ROR1: variants seen among roughly 807,000 people sequenced by gnomAD.
ROR1 encodes ROR family WNT receptor 1.
ROR1 carries 19 observed loss-of-function variants against 78.8 expected under a neutral mutation model. That is an observed-to-expected ratio of 0.24 (90% CI 0.17 to 0.35). The LOEUF (loss-of-function observed/expected upper bound fraction) is 0.35, where lower values mean the gene tolerates loss of function less well. Ranked by LOEUF, ROR1 falls within the 10% of genes least tolerant of loss-of-function variation. The pLI is 1.00. For synonymous variants in ROR1, 386 were observed against 433.6 expected, an observed-to-expected ratio of 0.89 and a Z score of 1.36; for missense variants, 917 against 1,177.8, an observed-to-expected ratio of 0.78 and a Z score of 3.24.
At chr1:64,070,655 A>G (rs964849537) in intron 4 of ROR1, among the ~76,000 whole-genome samples, 1 of 152,168 alleles carries the variant, frequency 6.6e-6, no homozygotes, top group Non-Finnish European at 1.5e-5. Context: ...AATGGAAATG[A>G]TATTCATCTC....
At chr1:64,167,326 A>G (rs982491249) in intron 8 of ROR1, among the ~76,000 whole-genome samples, 2 of 152,200 alleles carry the variant, frequency 1.3e-5, no homozygotes, top group African/African-American at 2.4e-5. Context: ...CTCACCACCA[A>G]ACATTCAAGC....
chr1:64,140,096 G>GT lies in ROR1; in HGVS notation c.611-10dup. The GT allele has an allele frequency of 1.2e-6, 2 of 1,608,510 alleles. No individual in the cohort carries two copies. The highest frequency in any genetic ancestry group is 2.7e-5 in the African/African-American group (2 of 74,820). On this transcript the variant is annotated splice_polypyrimidine_tract_variant and intron_variant, in intron 5 of 8. Coordinates refer to ENST00000371079, the MANE Select transcript of ROR1 (RefSeq NM_005012.4). ...CTGGCCTCTGGGAGTTAATAATTGT[G>GT]TTTGTTTTCCAGCTGCCTTCACTAT...
At chr1:63,989,662 C>A (rs2100519071) in intron 1 of ROR1, among the ~76,000 whole-genome samples, 1 of 152,310 alleles carries the variant, frequency 6.6e-6, no homozygotes, top group East Asian at 1.9e-4. Flanking sequence ...CTAGTCTTCT[C>A]TTGCTTTGGT....
Position 63,960,324 on chromosome 1 carries a change from G to A in ROR1, c.92-48981G>A, listed in dbSNP as rs546466504. On this transcript the variant is annotated intron_variant, in intron 1 of 8. Coordinates refer to ENST00000371079, the MANE Select transcript of ROR1 (RefSeq NM_005012.4). ...TGTGATGAAGGTATCTCCTTACTTC[G>A]TCGAAGCACGAGCATGCTTGGAATT... 8.5e-5 allele frequency among the ~76,000 whole-genome samples: 13 copies of A among 152,260 alleles called. No individual in the cohort carries two copies. The East Asian group carries it at 2.3e-3, about 27-fold the overall frequency.
chr1:63,898,791 T>TC (rs1292705914), intron 1 of ROR1, among the ~76,000 whole-genome samples: 5 of 151,930 alleles, frequency 3.3e-5, no homozygotes, highest in Non-Finnish European at 5.9e-5. Flanking sequence ...AGGGAGTTTT[T>TC]CCCCCTGCCT....
chr1:63,977,922 G>C (rs967464878), intron 1 of ROR1, among the ~76,000 whole-genome samples: 2 of 152,100 alleles, frequency 1.3e-5, no homozygotes, highest in Non-Finnish European at 2.9e-5. Context: ...ATCTTTATAA[G>C]AGCACTTAAG....
chr1:64,100,148 A>C (rs1037407377), intron 4 of ROR1, among the ~76,000 whole-genome samples: 5 of 152,138 alleles, frequency 3.3e-5, no homozygotes, highest in Non-Finnish European at 5.9e-5. Flanking sequence ...ATGTTGAGTT[A>C]AATTCAATTC....
At chr1:64,133,408 CT>C (rs1411122950) in intron 4 of ROR1, among the ~76,000 whole-genome samples, 1 of 152,186 alleles carries the variant, frequency 6.6e-6, no homozygotes, top group East Asian at 1.9e-4. Flanking sequence ...ATGGGCACTC[CT>C]TTTGCTGCCG....
intron 4 of ROR1, among the ~76,000 whole-genome samples, chr1:64,117,876 A>C (rs1245246604): frequency 7.3e-6 from 1 of 136,566 alleles, no homozygotes; most frequent in Non-Finnish European, 1.7e-5. Context: ...AGTCAAGGAG[A>C]TCAGTTCACG....
intron 1 of ROR1, among the ~76,000 whole-genome samples, chr1:63,799,786 G>A (rs1022332178): frequency 2.6e-5 from 4 of 152,106 alleles, no homozygotes; most frequent in African/African-American, 9.7e-5. Context: ...TCAGCACATT[G>A]AGCCTGGCAC....
chr1:63,884,427 T>A (rs1282347485), intron 1 of ROR1, among the ~76,000 whole-genome samples: 1 of 152,164 alleles, frequency 6.6e-6, no homozygotes, highest in African/African-American at 2.4e-5. Context: ...ATACCACAGC[T>A]GAAAGGGAAC....
intron 1 of ROR1, among the ~76,000 whole-genome samples, chr1:63,850,390 A>G (rs1260344431): frequency 1.3e-5 from 2 of 152,260 alleles, no homozygotes; most frequent in Non-Finnish European, 2.9e-5. Flanking sequence ...CCAAATACCT[A>G]GGAATAGAAT....
intron 4 of ROR1, among the ~76,000 whole-genome samples, chr1:64,067,709 T>C (rs1646968633): frequency 7.2e-6 from 1 of 139,446 alleles, no homozygotes; most frequent in Non-Finnish European, 1.5e-5. Context: ...TTAAATAAAT[T>C]CTTTTTTTTT....
chr1:63,836,671 T>A (rs1645020484), intron 1 of ROR1, among the ~76,000 whole-genome samples: 1 of 152,210 alleles, frequency 6.6e-6, no homozygotes, highest in Admixed American at 6.6e-5. Context: ...TAAAATTAAT[T>A]TCTTAAAATC....
At chr1:63,789,075 C>A in intron 1 of ROR1, 4 of 620,048 alleles carry the variant, frequency 6.5e-6, no homozygotes, top group South Asian at 2.9e-5. Context: ...CTTACCTATG[C>A]CCATGTGCCT....
intron 1 of ROR1, among the ~76,000 whole-genome samples, chr1:63,944,238 G>A (rs1645864858): frequency 6.6e-6 from 1 of 152,046 alleles, no homozygotes; most frequent in Admixed American, 6.6e-5. Context: ...AGCACGTTGT[G>A]TTCATCTTTA....
chr1:64,005,206 A>G (rs937620024), intron 1 of ROR1, among the ~76,000 whole-genome samples: 1 of 152,202 alleles, frequency 6.6e-6, no homozygotes, highest in African/African-American at 2.4e-5. Context: ...GCCTTACTAG[A>G]CAAAGGAGAG....
chr1:64,053,525 A>G (rs1482901793), intron 4 of ROR1, among the ~76,000 whole-genome samples: 1 of 152,220 alleles, frequency 6.6e-6, no homozygotes, highest in Non-Finnish European at 1.5e-5. Context: ...CCTAACACTT[A>G]TAGGACCTGG....
At chr1:63,795,417 G>A (rs1165218619) in intron 1 of ROR1, among the ~76,000 whole-genome samples, 1 of 152,134 alleles carries the variant, frequency 6.6e-6, no homozygotes, top group Admixed American at 6.5e-5. Context: ...TCCCTTGGAG[G>A]GTATGTTTTC....
Sources: gnomAD v4.1 joint callset for allele counts (sites outside exome capture counted in the v4.1 genomes callset) on GRCh38, gnomAD v4.1.1 for gene constraint, MANE v1.5 for transcripts, NCBI Gene and HGNC (gene_info 2026-07-23, HGNC 2026-07-21) for gene names.